Variants in MASP2 observed in about 807,000 individuals in gnomAD.
MASP2 encodes the protein mannan-binding lectin serine protease 2.
MASP2 carries 49 observed loss-of-function variants against 57.1 expected under a neutral mutation model. The observed-to-expected ratio is 0.86, with a 90% CI of 0.68 to 1.09. The LOEUF (loss-of-function observed/expected upper bound fraction) is 1.09, where lower values mean the gene tolerates loss of function less well. Among genes scored for constraint, MASP2 ranks in the 50% least tolerant of loss-of-function variants. The pLI, the probability that MASP2 is intolerant of heterozygous loss-of-function variation, is 0.00. For missense variants in MASP2, 900 were observed against 874.8 expected (o/e 1.03, Z -0.36); for synonymous variants, 379 against 340.8 (o/e 1.11, Z -1.24).
Position 11,027,087 on chromosome 1 carries a change from C to T in MASP2, c.1859G>A (p.Gly620Asp), listed in dbSNP as rs774118006. Reference sequence around the variant, plus strand: ...GCTGTCCTTGCCCCCACTTTCTAAGCCAGCACAAAGCATGTTAGCAGTTAC... The same window carrying T: ...GCTGTCCTTGCCCCCACTTTCTAAGTCAGCACAAAGCATGTTAGCAGTTAC... ...GSVTANMLCA[G>D]LESGGKDSCR... Residue 620 changes from glycine to aspartate, a missense_variant, in exon 11 of 11, where the codon GGC becomes GAC. Transcript: ENST00000400897. The T allele has an allele frequency of 6.2e-7, 1 of 1,600,392 alleles. No individual in the cohort carries two copies. The highest frequency in any genetic ancestry group is 8.5e-7 in the Non-Finnish European group (1 of 1,172,916).
At chr1:11,041,049 A>G (rs563486651) in intron 6 of MASP2, among the ~76,000 whole-genome samples, 1 of 136,718 alleles carries the variant, frequency 7.3e-6, no homozygotes, top group South Asian at 2.8e-4. Context: ...GTAGATGAAT[A>G]TAAGGATGGG....
At chr1:11,034,200 A>C (rs11581944) in intron 8 of MASP2, among the ~76,000 whole-genome samples, 1 of 149,310 alleles carries the variant, frequency 6.7e-6, no homozygotes, top group African/African-American at 2.5e-5. Context: ...CTGAGATTGT[A>C]CCACTGTACT....
intron 7 of MASP2, among the ~76,000 whole-genome samples, chr1:11,037,065 T>A (rs957874448): frequency 6.6e-6 from 1 of 152,106 alleles, no homozygotes; most frequent in Non-Finnish European, 1.5e-5. Flanking sequence ...TTTTATATAT[T>A]TTTTTGAGAC....
chr1:11,046,865 C>A, intron 2 of MASP2, 26 bp downstream of exon 2: 1 of 1,553,994 alleles, frequency 6.4e-7, no homozygotes, highest in African/African-American at 1.4e-5. Flanking sequence ...CCCTGAGAAA[C>A]CCCAGCCCTC....
At chr1:11,038,849 G>A (rs1241837840) in intron 6 of MASP2, among the ~76,000 whole-genome samples, 1 of 152,182 alleles carries the variant, frequency 6.6e-6, no homozygotes, top group Non-Finnish European at 1.5e-5. Context: ...CAGTGGGGGT[G>A]GTCCTGAGAG....
intron 8 of MASP2, among the ~76,000 whole-genome samples, chr1:11,031,304 A>G (rs1282992772): frequency 6.6e-6 from 1 of 151,950 alleles, no homozygotes; most frequent in Non-Finnish European, 1.5e-5. Flanking sequence ...CGGGCAGATC[A>G]CAAGGTCAGG....
At chr1:11,042,752 C>T (rs1283094282) in intron 6 of MASP2, 123 bp downstream of exon 6, 11 of 1,156,510 alleles carry the variant, frequency 9.5e-6, no homozygotes, top group Non-Finnish European at 1.1e-5. Context: ...TCAGACACCA[C>T]TAAACCTGGT....
In MASP2 at chr1:11,027,472, C is replaced by G. The variant is rs757050153; in HGVS notation, c.1474G>C (p.Ala492Pro). 1 of 1,614,070 alleles carries G rather than the reference C, an allele frequency of 6.2e-7. No individual in the cohort carries two copies. Among genetic ancestry groups the G allele is most frequent in the East Asian group, 2.2e-5 (1 of 44,878 alleles). ...CCCATTCGAATGTCCAGGGCGGATG[C>G]ATCATGTTTTTGCTCATAGACGGCA... Reference protein sequence around the residue: ...AHAVYEQKHDASALDIRMGTL... With the variant: ...AHAVYEQKHDPSALDIRMGTL... Residue 492 changes from alanine to proline, a missense_variant, in exon 11 of 11, where the codon GCA (alanine) becomes CCA (proline). Ala to Pro is a conservative substitution (Grantham distance 27, BLOSUM62 -1). Transcript: ENST00000400897.
At chr1:11,043,186 A>T in intron 5 of MASP2, 153 bp downstream of exon 5, 1 of 979,420 alleles carries the variant, frequency 1.0e-6, no homozygotes, top group Non-Finnish European at 1.5e-6. Context: ...TTGTACTCGA[A>T]GGCCCCAGCC....
At chr1:11,046,504 C>T (rs762206398) in intron 3 of MASP2, 52 bp downstream of exon 3, 2 of 1,602,826 alleles carry the variant, frequency 1.2e-6, no homozygotes, top group Non-Finnish European at 1.7e-6. Context: ...ACAGAGTTAC[C>T]CCCACAGCCA....
intron 8 of MASP2, among the ~76,000 whole-genome samples, chr1:11,032,439 C>G (rs1287391599): frequency 1.3e-5 from 2 of 150,368 alleles, no homozygotes; most frequent in Admixed American, 6.6e-5. Flanking sequence ...TGGTGAAACC[C>G]TGCCTCTACT....
At chr1:11,044,628 C>T (rs891744699) in intron 4 of MASP2, among the ~76,000 whole-genome samples, 6 of 152,184 alleles carry the variant, frequency 3.9e-5, no homozygotes, top group African/African-American at 7.2e-5. Flanking sequence ...TGCCCCTCTC[C>T]GGGCCTCAGT....
At chr1:11,036,227 G>A (rs975958412) in intron 7 of MASP2, among the ~76,000 whole-genome samples, 25 of 152,226 alleles carry the variant, frequency 1.6e-4, no homozygotes, top group Non-Finnish European at 3.5e-4. Context: ...AGAAGTCGCC[G>A]GGCGCGGTGG....
chr1:11,027,498 T>C lies in MASP2; in HGVS notation c.1448A>G (p.His483Arg), dbSNP rs980325248. The C allele has an allele frequency of 1.2e-6, 2 of 1,614,056 alleles. No individual in the cohort carries two copies. The highest frequency in any genetic ancestry group is 1.1e-5 in the South Asian group (1 of 91,084). Residue 483 changes from histidine to arginine, a missense_variant, in exon 11 of 11, where the codon CAT (histidine) becomes CGT (arginine). His to Arg is a conservative substitution (Grantham distance 29, BLOSUM62 0). Transcript: ENST00000400897. ...ATCATGTTTTTGCTCATAGACGGCATGAGCAGCTGTTAGGACCCAGTTGTC... is the reference window on the plus strand; with the variant it reads ...ATCATGTTTTTGCTCATAGACGGCACGAGCAGCTGTTAGGACCCAGTTGTC... ...LYDNWVLTAAHAVYEQKHDAS... is the reference protein window; with the variant it reads ...LYDNWVLTAARAVYEQKHDAS...
Position 11,026,913 on chromosome 1 carries a change from C to T in MASP2, c.2033G>A (p.Trp678Ter), listed in dbSNP as rs761465343. Residue 678 changes from tryptophan to a stop codon, truncating the protein, a stop_gained, in exon 11 of 11, where the codon TGG (tryptophan) becomes TAG (stop). Coordinates refer to ENST00000400897, the MANE Select transcript of MASP2 (RefSeq NM_006610.4). LOFTEE classifies it high-confidence loss of function. The part of the protein sequence containing the change: ...VYTKVINYIP[W>*]IENIISDF ...AAAATCACTAATTATGTTCTCGATC[C>T]AGGGAATATAGTTAATAACTTTTGT... 3.9e-5 allele frequency: 58 copies of T among 1,490,798 alleles called. No individual in the cohort carries two copies. Among genetic ancestry groups the T allele is most frequent in the Non-Finnish European group, 5.1e-5 (57 of 1,121,136 alleles). 92.3% of individuals were successfully genotyped at this position (1,490,798 alleles called of 1,614,324 possible).
At chr1:11,035,493 C>T (rs896376043) in intron 7 of MASP2, among the ~76,000 whole-genome samples, 1 of 152,068 alleles carries the variant, frequency 6.6e-6, no homozygotes, top group African/African-American at 2.4e-5. Context: ...CAACACTGCA[C>T]TCCAGCCTAG....
chr1:11,030,933 CT>C, intron 8 of MASP2, 51 bp from the exon 9 acceptor site: 1 of 1,586,306 alleles, frequency 6.3e-7, no homozygotes, highest in Non-Finnish European at 8.6e-7. Flanking sequence ...TCAGTGCTAA[CT>C]TTCCAAAGGT....
At chr1:11,030,530 T>G (rs1039963897) in intron 9 of MASP2, 6 of 581,504 alleles carry the variant, frequency 1.0e-5, no homozygotes, top group Non-Finnish European at 1.5e-5. Flanking sequence ...TGGAATACAT[T>G]GTGTGTTTGT....
chr1:11,041,599 GTGGATGGATGGATGGATGGATGGATGGA>G (rs555313272), intron 6 of MASP2, among the ~76,000 whole-genome samples: 3 of 117,474 alleles, frequency 2.6e-5, no homozygotes, highest in Admixed American at 8.8e-5. Flanking sequence ...TGGATGGATG[GTGGATGGATGGATGGATGGATGGATGGA>G]TGGATGGATG....
Sources: allele counts gnomAD v4.1 joint callset (sites outside exome capture counted in the v4.1 genomes callset), GRCh38; gene constraint gnomAD v4.1.1; transcripts MANE v1.5; gene names NCBI Gene and HGNC (gene_info 2026-07-23, HGNC 2026-07-21).